Variants in TOP6BL observed in about 807,000 individuals in gnomAD.
TOP6BL encodes TOP6B like initiator of meiotic double strand breaks.
At chr11:66,813,880 C>T in the TOP6BL span, 4 of 1,613,800 alleles carry the variant, frequency 2.5e-6, no homozygotes, top group Non-Finnish European at 2.5e-6. Context: ...TCTATATGGA[C>T]CTTTGGGTCT....
chr11:66,820,994 C>G, the TOP6BL span, among the ~76,000 whole-genome samples: 1 of 152,174 alleles, frequency 6.6e-6, no homozygotes, highest in African/African-American at 2.4e-5. Flanking sequence ...ACTCCCAGTC[C>G]TGACTCAAAG....
At chr11:66,794,003 T>G in the TOP6BL span, among the ~76,000 whole-genome samples, 1 of 151,562 alleles carries the variant, frequency 6.6e-6, no homozygotes. Context: ...TCCTGGCTAT[T>G]TGGGAAGCTG....
the TOP6BL span, chr11:66,815,922 G>A: frequency 3.6e-6 from 3 of 835,338 alleles, no homozygotes; most frequent in Non-Finnish European, 5.4e-6. Flanking sequence ...GGTTCAGGAG[G>A]GTAAATGGGT....
At chr11:66,763,128 G>T in the TOP6BL span, among the ~76,000 whole-genome samples, 1 of 152,218 alleles carries the variant, frequency 6.6e-6, no homozygotes. Context: ...CTGTGCCCAG[G>T]CATTTGAGGC....
At chr11:66,842,900 T>C in the TOP6BL span, 6 of 1,573,812 alleles carry the variant, frequency 3.8e-6, no homozygotes, top group East Asian at 2.4e-5. Flanking sequence ...AGCCCCCGCA[T>C]AGAGGAGATG....
At chr11:66,776,091 C>T in the TOP6BL span, among the ~76,000 whole-genome samples, 4 of 151,792 alleles carry the variant, frequency 2.6e-5, no homozygotes, top group Admixed American at 2.6e-4. Flanking sequence ...CAGAGTCTCA[C>T]TCTGTCACCC....
the TOP6BL span, chr11:66,822,619 T>C: frequency 6.4e-7 from 1 of 1,553,184 alleles, no homozygotes; most frequent in South Asian, 1.2e-5. Context: ...ATCATGAGTA[T>C]TCTGACTGGA....
the TOP6BL span, among the ~76,000 whole-genome samples, chr11:66,764,376 G>A: frequency 2.2e-3 from 336 of 151,834 alleles, no homozygotes; most frequent in African/African-American, 7.6e-3. Flanking sequence ...AAAATCGGCC[G>A]GGCGCGGTGG....
At chr11:66,843,515 G>T in the TOP6BL span, 3 of 1,497,602 alleles carry the variant, frequency 2.0e-6, no homozygotes, top group Middle Eastern at 2.2e-4. Context: ...CGGAGCGGCC[G>T]CCCGAGTCGG....
At chr11:66,828,238 A>G in the TOP6BL span, 3 of 1,544,958 alleles carry the variant, frequency 1.9e-6, no homozygotes, top group African/African-American at 4.1e-5. Flanking sequence ...ACTGGAACTC[A>G]GCATGTTCTA....
the TOP6BL span, among the ~76,000 whole-genome samples, chr11:66,781,246 CT>C: frequency 6.6e-6 from 1 of 151,758 alleles, no homozygotes; most frequent in South Asian, 2.1e-4. Flanking sequence ...TTTCTTCAGT[CT>C]TTTTTTTCTT....
the TOP6BL span, among the ~76,000 whole-genome samples, chr11:66,805,185 G>A: frequency 6.6e-6 from 1 of 152,180 alleles, no homozygotes; most frequent in African/African-American, 2.4e-5. Context: ...AGTGAGCCAA[G>A]AACACGACAC....
chr11:66,745,355 C>T, the TOP6BL span, among the ~76,000 whole-genome samples: 2 of 151,874 alleles, frequency 1.3e-5, no homozygotes, highest in Non-Finnish European at 2.9e-5. Context: ...AGGAGGGACC[C>T]AGTGCAGACT....
chr11:66,826,623 A>T, the TOP6BL span, among the ~76,000 whole-genome samples: 1 of 151,948 alleles, frequency 6.6e-6, no homozygotes, highest in East Asian at 1.9e-4. Context: ...TAAAGCCCTA[A>T]CTTTTGTACT....
the TOP6BL span, among the ~76,000 whole-genome samples, chr11:66,837,603 G>GCCCA: frequency 1.3e-5 from 2 of 151,534 alleles, no homozygotes; most frequent in Non-Finnish European, 2.9e-5. Context: ...CACCACCACA[G>GCCCA]CCAGCTAATT....
At chr11:66,796,100 G>A in the TOP6BL span, 1 of 562,932 alleles carries the variant, frequency 1.8e-6, no homozygotes, top group Non-Finnish European at 3.2e-6. Context: ...TCTAACCCAA[G>A]AAGTGATGGC....
chr11:66,822,523 G>A, the TOP6BL span: 2 of 1,308,254 alleles, frequency 1.5e-6, no homozygotes, highest in Non-Finnish European at 1.1e-6. Context: ...ACCACATCTT[G>A]GGATTCATGC....
At chr11:66,824,823 C>T in the TOP6BL span, among the ~76,000 whole-genome samples, 16 of 151,928 alleles carry the variant, frequency 1.1e-4, no homozygotes, top group Non-Finnish European at 1.5e-5. Context: ...ATATGTGCCA[C>T]ATTTTCTTAA....
At chr11:66,774,250 T>C in the TOP6BL span, among the ~76,000 whole-genome samples, 1 of 152,326 alleles carries the variant, frequency 6.6e-6, no homozygotes, top group East Asian at 1.9e-4. Context: ...CTTTACCCAG[T>C]AATTTATATT....
Sources: gnomAD v4.1 joint callset for allele counts (sites outside exome capture counted in the v4.1 genomes callset) on GRCh38, gnomAD v4.1.1 for gene constraint, MANE v1.5 for transcripts, NCBI Gene and HGNC (gene_info 2026-07-23, HGNC 2026-07-21) for gene names.